Variants in PTPRD observed in about 807,000 individuals in gnomAD.
PTPRD encodes the protein protein tyrosine phosphatase receptor type D, also known as receptor-type tyrosine-protein phosphatase delta.
Under a neutral mutation model 214.5 loss-of-function variants are expected in PTPRD, and 34 were observed. That is an observed-to-expected ratio of 0.16 (90% confidence interval 0.12 to 0.21). PTPRD has a LOEUF of 0.21. PTPRD is among the 10% of genes least tolerant of loss of function. The pLI is 1.00. For synonymous variants in PTPRD, 1,128 were observed against 845.7 expected (o/e 1.33, Z -5.79); for missense variants, 2,545 against 2,398.7 (o/e 1.06, Z -1.27).
chr9:9,668,315 T>C (rs1286806266), intron 7 of PTPRD, among the ~76,000 whole-genome samples: 2 of 152,196 alleles, frequency 1.3e-5, no homozygotes, highest in Non-Finnish European at 2.9e-5. Flanking sequence ...AGTCTTCGCA[T>C]TTCCTCTCCA....
At chr9:10,340,356 T>C (rs2096915921) in intron 3 of PTPRD, among the ~76,000 whole-genome samples, 1 of 151,892 alleles carries the variant, frequency 6.6e-6, no homozygotes, top group Non-Finnish European at 1.5e-5. Context: ...CCCAAGTGGA[T>C]CTGTCACGAT....
chr9:9,025,787 A>T (rs1451881744), intron 10 of PTPRD, among the ~76,000 whole-genome samples: 1 of 151,978 alleles, frequency 6.6e-6, no homozygotes, highest in African/African-American at 2.4e-5. Context: ...AAAATAGATT[A>T]AAAAAAGAAA....
At chr9:9,359,141 C>A (rs981713892) in intron 9 of PTPRD, among the ~76,000 whole-genome samples, 1 of 151,252 alleles carries the variant, frequency 6.6e-6, no homozygotes, top group African/African-American at 2.4e-5. Flanking sequence ...GGCAACTTTT[C>A]CTTCATTGTA....
At chr9:9,698,528 C>A (rs984127156) in intron 7 of PTPRD, among the ~76,000 whole-genome samples, 1 of 152,162 alleles carries the variant, frequency 6.6e-6, no homozygotes, top group African/African-American at 2.4e-5. Context: ...TATGGTCCTG[C>A]TGGATGGCTA....
chr9:9,275,829 G>C (rs1000273938), intron 9 of PTPRD, among the ~76,000 whole-genome samples: 15 of 143,932 alleles, frequency 1.0e-4, no homozygotes, highest in Non-Finnish European at 2.0e-4. Context: ...CTGTGTGTGT[G>C]TGTATGTGTG....
intron 4 of PTPRD, among the ~76,000 whole-genome samples, chr9:9,964,489 G>C (rs941809807): frequency 6.6e-6 from 1 of 152,134 alleles, no homozygotes; most frequent in African/African-American, 2.4e-5. Context: ...TAGGACAATA[G>C]TTTCCTTCGC....
chr9:8,542,126 A>C (rs1362759105), intron 14 of PTPRD, among the ~76,000 whole-genome samples: 1 of 152,208 alleles, frequency 6.6e-6, no homozygotes, highest in Non-Finnish European at 1.5e-5. Flanking sequence ...CTGAGGGCAT[A>C]CATAAAGGAT....
At chr9:8,830,045 T>G (rs2097257199) in intron 11 of PTPRD, among the ~76,000 whole-genome samples, 1 of 152,058 alleles carries the variant, frequency 6.6e-6, no homozygotes, top group Admixed American at 6.6e-5. Context: ...TGAATCTGAG[T>G]CTTTACTGTG....
Position 10,162,667 on chromosome 9 carries a change from A to T in PTPRD, c.-544-128877T>A, listed in dbSNP as rs777386592. On this transcript the variant is annotated intron_variant, in intron 3 of 45. Coordinates refer to ENST00000381196, the MANE Select transcript of PTPRD (RefSeq NM_002839.4). ...TATATATACACATATATACATGTAT[A>T]TGTATATACATGTATATATGTGTAT... 2.0e-5 allele frequency among the ~76,000 whole-genome samples: 3 copies of T among 147,386 alleles called. No individual in the cohort carries two copies. The South Asian group carries it at 6.3e-4, about 31-fold the overall frequency.
chr9:8,450,908 C>T (rs1259634693), intron 33 of PTPRD, among the ~76,000 whole-genome samples: 2 of 152,190 alleles, frequency 1.3e-5, no homozygotes, highest in African/African-American at 4.8e-5. Context: ...TATCTCACCC[C>T]TGCTCAAAGC....
At position 10,187,897 on chromosome 9, in the gene PTPRD, G is replaced by C. The variant is rs186429553; in HGVS notation, c.-545+153066C>G. The stretch of plus-strand genomic sequence containing the variant: ...GAATTATCTTTCCTAAATGTAGTTT[G>C]GAGTTTGGTCACTTTATTCCACTTG... On this transcript the variant is annotated intron_variant, in intron 3 of 45. Transcript: ENST00000381196. Among the ~76,000 whole-genome samples, 15 of 152,216 alleles carry C rather than the reference G, an allele frequency of 9.9e-5. No individual in the cohort carries two copies. In the East Asian group the frequency reaches 2.7e-3, roughly 27 times the overall value.
At chr9:8,918,651 C>T (rs1008579447) in intron 11 of PTPRD, among the ~76,000 whole-genome samples, 19 of 152,142 alleles carry the variant, frequency 1.2e-4, no homozygotes, top group African/African-American at 4.1e-4. Context: ...CACTTTCCTT[C>T]TCTGGATGCA....
chr9:9,198,016 T>C (rs1029496608), intron 9 of PTPRD, among the ~76,000 whole-genome samples: 2 of 152,182 alleles, frequency 1.3e-5, no homozygotes, highest in African/African-American at 4.8e-5. Context: ...CAAATAAGTG[T>C]TATGCAGTGA....
chr9:8,901,492 G>C (rs2098668404), intron 11 of PTPRD, among the ~76,000 whole-genome samples: 1 of 152,178 alleles, frequency 6.6e-6, no homozygotes, highest in South Asian at 2.1e-4. Context: ...CATGCGATAA[G>C]TAGGGCAACA....
At chr9:8,498,129 G>A (rs1233475752) in intron 25 of PTPRD, among the ~76,000 whole-genome samples, 3 of 152,158 alleles carry the variant, frequency 2.0e-5, no homozygotes, top group African/African-American at 4.8e-5. Flanking sequence ...GTAGATAAGT[G>A]AGCAATGAAT....
chr9:8,325,606 T>C, intron 44 of PTPRD, among the ~76,000 whole-genome samples: 1 of 150,736 alleles, frequency 6.6e-6, no homozygotes, highest in South Asian at 2.1e-4. Flanking sequence ...AGTAGTTTTT[T>C]CCCATTCTGT....
intron 11 of PTPRD, among the ~76,000 whole-genome samples, chr9:8,957,275 C>T (rs1007969791): frequency 6.6e-6 from 1 of 151,822 alleles, no homozygotes; most frequent in African/African-American, 2.4e-5. Flanking sequence ...CAGAAAAACA[C>T]TCAGATTTTT....
At chr9:8,647,930 G>T (rs527833171) in intron 12 of PTPRD, among the ~76,000 whole-genome samples, 1 of 152,158 alleles carries the variant, frequency 6.6e-6, no homozygotes, top group East Asian at 1.9e-4. Flanking sequence ...TCTAGCTCTC[G>T]CATCATACCC....
At chr9:10,339,414 T>A (rs1227013425) in intron 3 of PTPRD, among the ~76,000 whole-genome samples, 2 of 151,712 alleles carry the variant, frequency 1.3e-5, no homozygotes, top group East Asian at 3.9e-4. Flanking sequence ...TCCCTTCATC[T>A]GAAGTGCAAA....
Sources: gnomAD v4.1 joint callset for allele counts (sites outside exome capture counted in the v4.1 genomes callset) on GRCh38, gnomAD v4.1.1 for gene constraint, MANE v1.5 for transcripts, NCBI Gene and HGNC (gene_info 2026-07-23, HGNC 2026-07-21) for gene names.